Variants in CWF19L2 observed in about 807,000 individuals in gnomAD.
The protein encoded by CWF19L2 is CWF19 like cell cycle control factor 2, also known as CWF19-like protein 2.
In CWF19L2, 98 loss-of-function variants were observed where a neutral mutation model predicts 111.7. The observed-to-expected ratio is 0.88, with a 90% CI of 0.75 to 1.04. The LOEUF (loss-of-function observed/expected upper bound fraction) is 1.04, where lower values mean the gene tolerates loss of function less well. Among genes scored for constraint, CWF19L2 ranks in the 50% least tolerant of loss-of-function variants. The probability of loss-of-function intolerance (pLI) is 0.00; values close to 1 mark genes in which losing one functional copy is unlikely to be tolerated. For missense variants in CWF19L2, 1,101 were observed against 1,051.4 expected, an observed-to-expected ratio of 1.05 and a Z score of -0.65; for synonymous variants, 351 against 342.9, an observed-to-expected ratio of 1.02 and a Z score of -0.26.
chr11:107,339,826 C>T (rs552633371), intron 14 of CWF19L2, among the ~76,000 whole-genome samples: 23 of 152,010 alleles, frequency 1.5e-4, no homozygotes, highest in African/African-American at 5.3e-4. Flanking sequence ...CACTACCATG[C>T]CTGGCTAATT....
At chr11:107,418,488 T>C (rs12271885) in intron 8 of CWF19L2, among the ~76,000 whole-genome samples, 32,559 of 152,098 alleles carry the variant, frequency 0.21, 3,669 homozygotes, top group African/African-American at 0.28. Flanking sequence ...CAACCACCTA[T>C]GGCAGTTATA....
chr11:107,440,263 T>C (rs1037324113), intron 5 of CWF19L2, among the ~76,000 whole-genome samples: 1 of 152,092 alleles, frequency 6.6e-6, no homozygotes, highest in Admixed American at 6.6e-5. Context: ...TGGCAAGAAA[T>C]GGAACGAGCT....
chr11:107,442,781 AGGAAGGAAGGAAGGGAGGGAGGGAGGGAG>A (rs1565287235), intron 4 of CWF19L2, among the ~76,000 whole-genome samples, 129 bp downstream of exon 4: 2 of 49,892 alleles, frequency 4.0e-5, no homozygotes, highest in African/African-American at 2.5e-4. Flanking sequence ...GAAGGAAGGA[AGGAAGGAAGGAAGGGAGGGAGGGAGGGAG>A]GGAGGGAGGG....
intron 12 of CWF19L2, among the ~76,000 whole-genome samples, chr11:107,380,117 G>T (rs1442382766): frequency 6.9e-6 from 1 of 144,198 alleles, no homozygotes; most frequent in Non-Finnish European, 1.5e-5. Context: ...AAAACTAGAG[G>T]CTTATTTTAG....
At chr11:107,420,826 A>G (rs1035564346) in intron 8 of CWF19L2, among the ~76,000 whole-genome samples, 3 of 152,118 alleles carry the variant, frequency 2.0e-5, no homozygotes, top group Non-Finnish European at 4.4e-5. Context: ...ATATTTTCAG[A>G]GCATGGTTGA....
intron 16 of CWF19L2, among the ~76,000 whole-genome samples, chr11:107,332,467 CAAAG>C (rs1859863647): frequency 6.7e-6 from 1 of 148,412 alleles, no homozygotes; most frequent in South Asian, 2.3e-4. Flanking sequence ...CTTCATACAG[CAAAG>C]AAAAACATAA....
At position 107,373,902 on chromosome 11, in the gene CWF19L2, A is replaced by C. The variant is rs1477922790; in HGVS notation, c.1872+16172T>G. The stretch of plus-strand genomic sequence containing the variant: ...ATTTAGCAGAATGTATAACTAGAAC[A>C]ACCAATACAGAGAAGTGCTTAAAGG... On this transcript the variant is annotated intron_variant, in intron 12 of 17. Coordinates refer to ENST00000282251, the MANE Select transcript of CWF19L2 (RefSeq NM_152434.3). Among the ~76,000 whole-genome samples, 2 of 134,742 alleles carry C rather than the reference A, an allele frequency of 1.5e-5. 1 individual carries two copies. The highest frequency in any genetic ancestry group is 3.2e-5 in the Non-Finnish European group (2 of 63,256). 88.4% of individuals were successfully genotyped at this position (134,742 alleles called of 152,430 possible).
In CWF19L2 at chr11:107,390,029, A is replaced by C. The variant is rs200208832; in HGVS notation, c.1872+45T>G. 17 of 1,547,504 alleles carry C rather than the reference A, an allele frequency of 1.1e-5. No homozygotes were observed. In the African/African-American group the frequency reaches 1.9e-4, roughly 17 times the overall value. ...AAAGCAGATCACTGTTACACTGAAT[A>C]ATCAGCTTCTCAAAATTCAGAGGTA... On this transcript the variant is annotated intron_variant, in intron 12 of 17. Transcript: ENST00000282251.
chr11:107,442,227 AGAAGGG>A (rs1180623300), intron 4 of CWF19L2, among the ~76,000 whole-genome samples: 1 of 152,222 alleles, frequency 6.6e-6, no homozygotes, highest in African/African-American at 2.4e-5. Context: ...TTCTCACAGT[AGAAGGG>A]GAAGGGGGTT....
At chr11:107,436,770 T>C (rs1475143588) in intron 6 of CWF19L2, among the ~76,000 whole-genome samples, 1 of 152,164 alleles carries the variant, frequency 6.6e-6, no homozygotes, top group African/African-American at 2.4e-5. Context: ...GAGTAACTAA[T>C]GCTGGACTAG....
At chr11:107,456,322 T>C (rs940006289) in intron 1 of CWF19L2, among the ~76,000 whole-genome samples, 3 of 152,210 alleles carry the variant, frequency 2.0e-5, no homozygotes, top group Non-Finnish European at 4.4e-5. Flanking sequence ...TTTCTTTCCC[T>C]GTAACTCCAA....
chr11:107,348,542 G>A (rs772245424), intron 14 of CWF19L2, among the ~76,000 whole-genome samples: 3 of 152,078 alleles, frequency 2.0e-5, no homozygotes, highest in African/African-American at 4.8e-5. Context: ...TACGGCAACC[G>A]CTAAATATAA....
rs148966330 is a variant in CWF19L2 at position 107,424,708 on chromosome 11, T to G, written c.1433+4091A>C. Among the ~76,000 whole-genome samples the G allele has an allele frequency of 9.2e-5, 14 of 151,972 alleles. No individual in the cohort carries two copies. The East Asian group carries it at 2.3e-3, about 25-fold the overall frequency. On this transcript the variant is annotated intron_variant, in intron 8 of 17. Transcript: ENST00000282251. ...CATGAAATGGAATGCTCCACACAAT[T>G]TTTTTAGTATTTTCTAACAAGAATT...
chr11:107,354,719 C>A (rs530871209), intron 12 of CWF19L2, among the ~76,000 whole-genome samples: 75 of 152,274 alleles, frequency 4.9e-4, no homozygotes, highest in Middle Eastern at 3.4e-3. Context: ...ATTATCTCAG[C>A]CACCCATAAA....
intron 12 of CWF19L2, among the ~76,000 whole-genome samples, chr11:107,367,324 T>C (rs1167128714): frequency 2.3e-5 from 3 of 133,042 alleles, no homozygotes; most frequent in African/African-American, 9.0e-5. Context: ...ATCCCATTAC[T>C]GGGTATATAC....
chr11:107,390,428 G>A (rs1004784158), intron 11 of CWF19L2, among the ~76,000 whole-genome samples: 1 of 152,046 alleles, frequency 6.6e-6, no homozygotes, highest in Non-Finnish European at 1.5e-5. Context: ...TCTTCCCCAG[G>A]GATGGAAGCA....
intron 8 of CWF19L2, among the ~76,000 whole-genome samples, chr11:107,424,130 A>C (rs1861341371): frequency 6.6e-6 from 1 of 151,710 alleles, no homozygotes; most frequent in Non-Finnish European, 1.5e-5. Flanking sequence ...TCATTAAGAA[A>C]TAATTCCTCA....
intron 8 of CWF19L2, among the ~76,000 whole-genome samples, chr11:107,425,946 T>C (rs1043449130): frequency 6.6e-6 from 1 of 151,966 alleles, no homozygotes; most frequent in African/African-American, 2.4e-5. Context: ...ACAAGAAAAA[T>C]ATATGCAAAA....
chr11:107,452,601 C>CGTGGGAAAAAAATAA (rs1314488909), intron 3 of CWF19L2, among the ~76,000 whole-genome samples: 1 of 151,756 alleles, frequency 6.6e-6, no homozygotes, highest in Non-Finnish European at 1.5e-5. Context: ...TGGAAATCCA[C>CGTGGGAAAAAAATAA]GTGGGAAAAA....
Sources: allele counts gnomAD v4.1 joint callset (sites outside exome capture counted in the v4.1 genomes callset), GRCh38; gene constraint gnomAD v4.1.1; transcripts MANE v1.5; gene names NCBI Gene and HGNC (gene_info 2026-07-23, HGNC 2026-07-21).